The following MYH7B variants were observed in gnomAD, a reference collection of about 807,000 sequenced individuals.
MYH7B encodes the protein myosin-7B.
Under a neutral mutation model 234.5 loss-of-function variants are expected in MYH7B, and 205 were observed. The ratio of observed to expected loss-of-function variants is 0.87; its 90% CI spans 0.78 to 0.98. The LOEUF is 0.98. Ranked by LOEUF, MYH7B falls within the 50% of genes least tolerant of loss-of-function variation. The probability of loss-of-function intolerance (pLI) is 0.00; values close to 1 mark genes in which losing one functional copy is unlikely to be tolerated. For missense variants in MYH7B, 2,652 were observed against 2,633.4 expected (o/e 1.01, Z -0.15); for synonymous variants, 1,193 against 1,105.0 (o/e 1.08, Z -1.58).
rs549427263 is a variant in MYH7B, at chr20:35,001,803, G to A, written c.5677-145G>A. On this transcript the variant is annotated intron_variant, in intron 43 of 44. Coordinates refer to ENST00000262873, the Ensembl canonical transcript of MYH7B. The stretch of plus-strand genomic sequence containing the variant: ...GGTGCGTCCCAACTTCCTTATTCCC[G>A]CTGTGGTATTGGTGAGGATGGACAG... 23 of 1,305,362 alleles carry A rather than the reference G, an allele frequency of 1.8e-5. No homozygotes were observed. The South Asian group carries it at 1.8e-4, about 10-fold the overall frequency. 80.9% of individuals were successfully genotyped at this position (1,305,362 alleles called of 1,614,324 possible). A position where few individuals can be genotyped will look rare whatever the true frequency, so the allele number is the denominator to read the frequency against.
chr20:34,990,362 G>A (rs572326405), intron 22 of MYH7B, 52 bp downstream of exon 22: 54 of 1,598,390 alleles, frequency 3.4e-5, no homozygotes, highest in Middle Eastern at 1.7e-4. Context: ...CTCCAGCCCC[G>A]TCCTTCACCC....
exon 20 of MYH7B, chr20:34,989,763 G>A (rs369527686): frequency 5.0e-6 from 8 of 1,613,978 alleles, no homozygotes; most frequent in Admixed American, 1.7e-5. Flanking sequence ...TGTCCATCCT[G>A]GAGGAGGAAT....
chr20:34,976,850 A>G (rs2081860091), intron 3 of MYH7B, among the ~76,000 whole-genome samples: 1 of 152,184 alleles, frequency 6.6e-6, no homozygotes, highest in African/African-American at 2.4e-5. Flanking sequence ...GCAAAGCTAC[A>G]TTTTCAGCCA....
intron 38 of MYH7B, 94 bp downstream of exon 38, chr20:35,000,000 C>CT: frequency 1.6e-6 from 2 of 1,224,076 alleles, no homozygotes; most frequent in Non-Finnish European, 1.2e-6. Flanking sequence ...TCCCATGGGA[C>CT]TTTGAGGTCC....
At chr20:34,987,658 G>T (rs1490035894) in exon 17 of MYH7B, 8 of 1,613,170 alleles carry the variant, frequency 5.0e-6, no homozygotes, top group Non-Finnish European at 3.4e-6. Context: ...CGTGACCAAG[G>T]GCCAGAGTGT....
intron 2 of MYH7B, among the ~76,000 whole-genome samples, chr20:34,960,535 A>G (rs1302684959): frequency 2.0e-5 from 3 of 152,210 alleles, no homozygotes; most frequent in Admixed American, 2.0e-4. Context: ...GCACCCAGCC[A>G]CTGGACTGTG....
intron 2 of MYH7B, among the ~76,000 whole-genome samples, chr20:34,958,750 C>T (rs1335073294): frequency 3.9e-5 from 6 of 152,326 alleles, no homozygotes; most frequent in East Asian, 3.9e-4. Flanking sequence ...AGGCGTGAGC[C>T]ACCGTGCCCG....
chr20:34,991,291 C>G (rs1420913081), intron 24 of MYH7B, among the ~76,000 whole-genome samples, 170 bp downstream of exon 24: 4 of 152,096 alleles, frequency 2.6e-5, no homozygotes, highest in African/African-American at 9.7e-5. Flanking sequence ...CAGACCTGGC[C>G]GGGGACTTGG....
chr20:34,996,781 T>TG, intron 30 of MYH7B, 23 bp downstream of exon 30: 1 of 1,600,146 alleles, frequency 6.2e-7, no homozygotes, highest in African/African-American at 1.3e-5. Context: ...GGGCAGCAGG[T>TG]GGGGGCCTTC....
At chr20:34,999,479 G>C in intron 36 of MYH7B, 74 bp downstream of exon 36, 1 of 1,526,046 alleles carries the variant, frequency 6.6e-7, no homozygotes. Flanking sequence ...GGGGTGCCCT[G>C]GTGGGGCCAC....
chr20:34,999,462 A>T, intron 36 of MYH7B, 57 bp downstream of exon 36: 1 of 1,522,232 alleles, frequency 6.6e-7, no homozygotes, highest in East Asian at 2.3e-5. Context: ...AGCAACTTTG[A>T]GTTATGGGGG....
exon 5 of MYH7B, chr20:34,978,037 C>T (rs1375686101): frequency 1.9e-6 from 3 of 1,614,122 alleles, no homozygotes; most frequent in Non-Finnish European, 2.5e-6. Flanking sequence ...GGGGAGTCTG[C>T]CCGCTACCTC....
At chr20:34,998,200 G>A (rs918937873) in intron 32 of MYH7B, 95 bp from the exon 33 acceptor site, 11 of 1,458,280 alleles carry the variant, frequency 7.5e-6, no homozygotes, top group Non-Finnish European at 1.0e-5. Context: ...CCCACATCTA[G>A]CTTACCAGTC....
At chr20:35,000,248 G>A in intron 38 of MYH7B, 45 bp from the exon 39 acceptor site, 1 of 1,530,292 alleles carries the variant, frequency 6.5e-7, no homozygotes, top group South Asian at 1.3e-5. Context: ...GTAAGGACAG[G>A]TATGCCCTTA....
intron 1 of MYH7B, among the ~76,000 whole-genome samples, chr20:34,956,681 G>T (rs1173698985): frequency 1.3e-5 from 2 of 152,206 alleles, no homozygotes; most frequent in African/African-American, 4.8e-5. Flanking sequence ...GGATGGATAG[G>T]AAGGTATAGG....
At chr20:34,987,076 C>T in intron 15 of MYH7B, 73 bp from the exon 16 acceptor site, 1 of 1,609,618 alleles carries the variant, frequency 6.2e-7, no homozygotes. Context: ...CATGAATGGT[C>T]CCGGGGCAGT....
At chr20:34,981,333 T>G in intron 9 of MYH7B, 1 of 424,860 alleles carries the variant, frequency 2.4e-6, no homozygotes, top group South Asian at 3.4e-5. Context: ...GCCTGGAATC[T>G]CCCACCTTGA....
At chr20:34,961,392 A>C (rs924375032) in intron 2 of MYH7B, among the ~76,000 whole-genome samples, 2 of 152,168 alleles carry the variant, frequency 1.3e-5, no homozygotes, top group African/African-American at 4.8e-5. Flanking sequence ...AACACTGCTA[A>C]TATAAAGACC....
intron 9 of MYH7B, 122 bp downstream of exon 9, chr20:34,981,182 G>C: frequency 8.0e-7 from 1 of 1,250,296 alleles, no homozygotes; most frequent in Non-Finnish European, 1.1e-6. Flanking sequence ...TTACCACCTG[G>C]AGCTAGTGTC....
Sources: gnomAD v4.1 joint callset for allele counts (sites outside exome capture counted in the v4.1 genomes callset) on GRCh38, gnomAD v4.1.1 for gene constraint, MANE v1.5 for transcripts, NCBI Gene and HGNC (gene_info 2026-07-23, HGNC 2026-07-21) for gene names.